Variants in ZDHHC21 observed in about 807,000 individuals in gnomAD.
ZDHHC21 encodes the protein zDHHC palmitoyltransferase 21.
A neutral mutation model predicts 34.6 loss-of-function variants in ZDHHC21; 15 were observed. The ratio of observed to expected loss-of-function variants is 0.43; its 90% CI spans 0.29 to 0.67. ZDHHC21 has a LOEUF of 0.67. Among genes scored for constraint, ZDHHC21 ranks in the 30% least tolerant of loss-of-function variants. The pLI is 0.14. For missense variants in ZDHHC21, 344 were observed against 327.7 expected (o/e 1.05, Z -0.38); for synonymous variants, 142 against 101.8 (o/e 1.40, Z -2.38).
chr9:14,692,653 A>G (rs1328000573), intron 1 of ZDHHC21, among the ~76,000 whole-genome samples: 1 of 152,180 alleles, frequency 6.6e-6, no homozygotes, highest in African/African-American at 2.4e-5. Context: ...GAACAGTAAC[A>G]AGTGCAAACT....
At chr9:14,600,164 G>T in the ZDHHC21 span, among the ~76,000 whole-genome samples, 1 of 152,160 alleles carries the variant, frequency 6.6e-6, no homozygotes. Context: ...AGGGCAATCA[G>T]GCAAGAGAAA....
chr9:14,681,932 G>C (rs920141594), intron 2 of ZDHHC21, among the ~76,000 whole-genome samples: 14 of 152,106 alleles, frequency 9.2e-5, no homozygotes, highest in African/African-American at 3.4e-4. Flanking sequence ...TTCATATCCA[G>C]CCAAACTAAG....
At chr9:14,663,200 T>C (rs1239179053) in intron 5 of ZDHHC21, among the ~76,000 whole-genome samples, 1 of 152,186 alleles carries the variant, frequency 6.6e-6, no homozygotes, top group African/African-American at 2.4e-5. Flanking sequence ...AAAATGTATC[T>C]TTTAAATATA....
At chr9:14,672,097 A>T (rs1835570553) in intron 5 of ZDHHC21, among the ~76,000 whole-genome samples, 1 of 152,126 alleles carries the variant, frequency 6.6e-6, no homozygotes. Context: ...TATATACTGA[A>T]GTCATTGTGT....
At chr9:14,604,734 G>C in the ZDHHC21 span, among the ~76,000 whole-genome samples, 1 of 152,052 alleles carries the variant, frequency 6.6e-6, no homozygotes, top group Admixed American at 6.6e-5. Flanking sequence ...AATCCTCTTA[G>C]TAAATTTTTA....
chr9:14,693,235 C>T lies in ZDHHC21; in HGVS notation c.-231G>A. 3 of 408,076 alleles carry T rather than the reference C, an allele frequency of 7.4e-6. No homozygotes were observed. The highest frequency in any genetic ancestry group is 1.2e-4 in the East Asian group (1 of 8,048). The allele number at this position is 408,076 out of a possible 1,614,324, so 25.3% of individuals were successfully genotyped here. On this transcript the variant is annotated 5_prime_UTR_variant, in exon 1 of 10. Coordinates refer to ENST00000380916, the MANE Select transcript of ZDHHC21 (RefSeq NM_178566.6). Reference sequence around the variant, plus strand: ...CCCGCGCCTGCACACTCACCGTCGCCGCTGGCTCGCCTCTCGCTGCCGCCG... The same window carrying T: ...CCCGCGCCTGCACACTCACCGTCGCTGCTGGCTCGCCTCTCGCTGCCGCCG...
intron 8 of ZDHHC21, among the ~76,000 whole-genome samples, chr9:14,620,212 C>G (rs1011469237): frequency 6.6e-6 from 1 of 151,906 alleles, no homozygotes; most frequent in African/African-American, 2.4e-5. Flanking sequence ...AGAGTTCTTT[C>G]TTAGCGGAAA....
At chr9:14,662,002 G>A (rs1222010358) in intron 6 of ZDHHC21, among the ~76,000 whole-genome samples, 1 of 143,682 alleles carries the variant, frequency 7.0e-6, no homozygotes, top group African/African-American at 2.7e-5. Context: ...TACTTTTTTG[G>A]CTCAAATCTC....
the ZDHHC21 span, among the ~76,000 whole-genome samples, chr9:14,601,628 C>G: frequency 5.3e-5 from 8 of 152,172 alleles, no homozygotes; most frequent in African/African-American, 1.9e-4. Context: ...CCATTTAACC[C>G]AGCAATCCCA....
intron 8 of ZDHHC21, among the ~76,000 whole-genome samples, chr9:14,632,448 C>A (rs1681288087): frequency 6.6e-6 from 1 of 151,674 alleles, no homozygotes; most frequent in African/African-American, 2.4e-5. Context: ...AAAATTAGCT[C>A]AAAATGAATC....
chr9:14,619,179 G>A, intron 9 of ZDHHC21, 81 bp from the exon 10 acceptor site: 1 of 1,429,270 alleles, frequency 7.0e-7, no homozygotes. Flanking sequence ...GATTGGCTGG[G>A]GATCCATTAC....
intron 7 of ZDHHC21, among the ~76,000 whole-genome samples, chr9:14,648,275 T>G (rs1287594061): frequency 6.6e-6 from 1 of 152,056 alleles, no homozygotes; most frequent in African/African-American, 2.4e-5. Context: ...GTAGCTGGTC[T>G]TCTTGCTATT....
chr9:14,659,776 G>C (rs772606527), intron 6 of ZDHHC21, among the ~76,000 whole-genome samples: 1 of 152,152 alleles, frequency 6.6e-6, no homozygotes, highest in African/African-American at 2.4e-5. Context: ...AAACCTTAGA[G>C]AGGCATTTCT....
intron 8 of ZDHHC21, among the ~76,000 whole-genome samples, chr9:14,630,838 T>A (rs977176018): frequency 6.6e-6 from 1 of 152,196 alleles, no homozygotes; most frequent in South Asian, 2.1e-4. Flanking sequence ...TCCTGAGCAG[T>A]AGTTCTCAAT....
intron 2 of ZDHHC21, chr9:14,683,855 G>A (rs1241229075): frequency 6.6e-6 from 1 of 152,132 alleles, no homozygotes; most frequent in Non-Finnish European, 1.5e-5. Flanking sequence ...TACCCACCAT[G>A]ATCAAGTGGG....
rs1824744796 is a variant in ZDHHC21, at chr9:14,618,935, G to A, written c.*31C>T. The A allele has an allele frequency of 1.9e-6, 3 of 1,551,260 alleles. No homozygotes were observed. The highest frequency in any genetic ancestry group is 2.6e-6 in the Non-Finnish European group (3 of 1,147,984). ...AAACCTGTAACGCATTGCCAGCATG[G>A]AGGACCCATCTGTGCCCACCATCCA... On this transcript the variant is annotated 3_prime_UTR_variant, in exon 10 of 10. Coordinates refer to ENST00000380916, the MANE Select transcript of ZDHHC21 (RefSeq NM_178566.6).
chr9:14,644,450 T>C (rs1246525728), intron 7 of ZDHHC21, among the ~76,000 whole-genome samples: 1 of 151,990 alleles, frequency 6.6e-6, no homozygotes, highest in African/African-American at 2.4e-5. Context: ...GTCTCCAACC[T>C]GGAGGGAAGA....
At chr9:14,628,056 G>C (rs1169965046) in intron 8 of ZDHHC21, among the ~76,000 whole-genome samples, 1 of 152,092 alleles carries the variant, frequency 6.6e-6, no homozygotes, top group African/African-American at 2.4e-5. Context: ...ATAAATTGTA[G>C]TAAAAACGCA....
At chr9:14,637,440 C>A (rs1389873422) in intron 8 of ZDHHC21, among the ~76,000 whole-genome samples, 1 of 151,922 alleles carries the variant, frequency 6.6e-6, no homozygotes, top group Non-Finnish European at 1.5e-5. Flanking sequence ...AGGACCCAGA[C>A]AACTTCACTG....
Sources: allele counts gnomAD v4.1 joint callset (sites outside exome capture counted in the v4.1 genomes callset), GRCh38; gene constraint gnomAD v4.1.1; transcripts MANE v1.5; gene names NCBI Gene and HGNC (gene_info 2026-07-23, HGNC 2026-07-21).